ANK2: variants seen among roughly 807,000 people sequenced by gnomAD.
ANK2 encodes ankyrin 2.
ANK2 carries 83 observed loss-of-function variants against 360.5 expected under a neutral mutation model. That is an observed-to-expected ratio of 0.23 (90% CI 0.19 to 0.28). The LOEUF is 0.28. Ranked by LOEUF, ANK2 falls within the 10% of genes least tolerant of loss-of-function variation. The pLI is 1.00. For missense variants in ANK2, 4,201 were observed against 4,795.7 expected (o/e 0.88, Z 3.66); for synonymous variants, 1,740 against 1,759.5 (o/e 0.99, Z 0.28).
intron 2 of ANK2, among the ~76,000 whole-genome samples, chr4:113,025,806 T>A (rs550403309): frequency 6.6e-6 from 1 of 152,256 alleles, no homozygotes; most frequent in East Asian, 1.9e-4. Flanking sequence ...AAGCAGCTTT[T>A]GAGAGATGTA....
intron 1 of ANK2, among the ~76,000 whole-genome samples, chr4:113,067,705 T>G (rs1448910502): frequency 1.3e-5 from 2 of 152,182 alleles, no homozygotes; most frequent in Non-Finnish European, 2.9e-5. Context: ...CTGGGAGGAC[T>G]GGAAAAAGAA....
chr4:113,019,667 CA>C (rs757349862), intron 2 of ANK2, among the ~76,000 whole-genome samples: 2 of 151,978 alleles, frequency 1.3e-5, no homozygotes, highest in Non-Finnish European at 2.9e-5. Flanking sequence ...TAATGGTAAT[CA>C]ACAAAATTTC....
intron 1 of ANK2, among the ~76,000 whole-genome samples, chr4:113,120,583 A>G (rs1184507691): frequency 3.3e-5 from 5 of 152,088 alleles, no homozygotes; most frequent in African/African-American, 1.2e-4. Context: ...AGTAAAACAT[A>G]TATTTATTTT....
chr4:113,111,836 G>A (rs1425496100), intron 1 of ANK2, among the ~76,000 whole-genome samples: 1 of 152,184 alleles, frequency 6.6e-6, no homozygotes, highest in African/African-American at 2.4e-5. Context: ...CTATCAAGAT[G>A]TGAATATTAG....
intron 1 of ANK2, among the ~76,000 whole-genome samples, chr4:112,868,736 A>G (rs893755883): frequency 6.6e-6 from 1 of 152,194 alleles, no homozygotes; most frequent in Non-Finnish European, 1.5e-5. Context: ...TGAAAATGAG[A>G]TATATTTACA....
At chr4:113,281,316 T>C (rs998340130) in intron 17 of ANK2, among the ~76,000 whole-genome samples, 2 of 152,062 alleles carry the variant, frequency 1.3e-5, no homozygotes, top group Admixed American at 6.6e-5. Context: ...GGTGGGCAGA[T>C]CGCTTGAGCT....
chr4:113,380,371 T>A (rs943725820), intron 45 of ANK2, among the ~76,000 whole-genome samples: 3 of 152,192 alleles, frequency 2.0e-5, no homozygotes, highest in Non-Finnish European at 4.4e-5. Context: ...ACAAAAGTTA[T>A]AGCTCCTGGC....
intron 1 of ANK2, among the ~76,000 whole-genome samples, chr4:113,127,551 G>A (rs145788391): frequency 4.0e-4 from 61 of 152,032 alleles, no homozygotes; most frequent in African/African-American, 1.4e-3. Context: ...GAAATAGCTG[G>A]TTGCTTTTAA....
chr4:113,277,848 T>C lies in ANK2; in HGVS notation c.1695T>C (p.Thr565=), dbSNP rs760975847. The C allele has an allele frequency of 6.2e-7, 1 of 1,613,196 alleles. No individual in the cohort carries two copies. Among genetic ancestry groups the C allele is most frequent in the South Asian group, 1.1e-5 (1 of 91,054 alleles). ...TCTCACATTTTCAGAAGGGTTTTAC[T>C]CCCCTGCATGTAGCAGCCAAGTATG... ...AHSLATKKGF[T]PLHVAAKYGS... The change falls in exon 16 of 46, where the codon ACT becomes ACC. Residue 565 remains threonine, a synonymous_variant. Transcript: ENST00000357077.
intron 9 of ANK2, among the ~76,000 whole-genome samples, chr4:113,246,499 G>C (rs1563144083): frequency 6.6e-6 from 1 of 152,052 alleles, no homozygotes; most frequent in Admixed American, 6.5e-5. Context: ...TTTATAGCTA[G>C]TGAAAATGAA....
chr4:113,220,124 A>G (rs773633515), intron 4 of ANK2, among the ~76,000 whole-genome samples: 21 of 152,214 alleles, frequency 1.4e-4, no homozygotes, highest in Non-Finnish European at 3.1e-4. Flanking sequence ...TCGGAACCAC[A>G]CATTTTCTTG....
At chr4:112,803,085 G>C in the ANK2 span, among the ~76,000 whole-genome samples, 875 of 152,238 alleles carry the variant, frequency 5.7e-3, 11 homozygotes, top group African/African-American at 0.019. Context: ...TAGGAAGACT[G>C]TCTCGACATC....
intron 34 of ANK2, among the ~76,000 whole-genome samples, chr4:113,344,023 C>T (rs74548352): frequency 1.3e-3 from 194 of 152,178 alleles, no homozygotes; most frequent in African/African-American, 4.3e-3. Flanking sequence ...TAAGTTTTTC[C>T]AAGATCTCTG....
rs2061068350 is a variant in ANK2 at position 113,278,494 on chromosome 4, A to G, written c.1817A>G (p.Tyr606Cys). The G allele has an allele frequency of 1.9e-6, 3 of 1,614,016 alleles. No individual in the cohort carries two copies. The highest frequency in any genetic ancestry group is 2.5e-6 in the Non-Finnish European group (3 of 1,179,962). Residue 606 changes from tyrosine (Y) to cysteine (C), a missense_variant, in exon 17 of 46, where the codon TAT becomes TGT. Physicochemically the swap from Tyr to Cys is radical, Grantham distance 194. Around this residue, in one of 4 missense-constraint regions of ANK2, gnomAD observed 1,268 missense variants for 1,650.8 expected, o/e 0.77. Coordinates refer to ENST00000357077, the MANE Select transcript of ANK2 (RefSeq NM_001148.6). ...GLTPLHVAAHYDNQKVALLLL... is the reference protein window; with the variant it reads ...GLTPLHVAAHCDNQKVALLLL... ...ACCCCGCTCCATGTTGCTGCTCATT[A>G]TGACAACCAGAAGGTGGCGCTGCTG...
intron 1 of ANK2, among the ~76,000 whole-genome samples, chr4:112,838,349 G>A (rs116136723): frequency 0.01 from 1,554 of 152,252 alleles, 9 homozygotes; most frequent in Middle Eastern, 0.078. Flanking sequence ...ATCCAGCCTC[G>A]GGTAGTATCT....
At chr4:113,279,804 A>T (rs2061577286) in intron 17 of ANK2, among the ~76,000 whole-genome samples, 1 of 151,626 alleles carries the variant, frequency 6.6e-6, no homozygotes. Context: ...ATAATAAAGT[A>T]CTTGAACTGT....
chr4:113,161,970 G>T (rs913950158), intron 1 of ANK2, among the ~76,000 whole-genome samples: 1 of 152,036 alleles, frequency 6.6e-6, no homozygotes, highest in African/African-American at 2.4e-5. Context: ...GTCCATGCCC[G>T]TCTCTTGGAC....
chr4:113,092,162 G>A (rs1434220380), intron 1 of ANK2, among the ~76,000 whole-genome samples: 2 of 152,054 alleles, frequency 1.3e-5, no homozygotes, highest in African/African-American at 4.8e-5. Flanking sequence ...TTTAAATGTG[G>A]TAATGTACAA....
intron 1 of ANK2, among the ~76,000 whole-genome samples, chr4:113,134,593 GT>G (rs1361652988): frequency 5.9e-5 from 9 of 151,938 alleles, no homozygotes; most frequent in Non-Finnish European, 8.8e-5. Context: ...TATCAGAGAT[GT>G]TTTTTTAACA....
Sources: gnomAD v4.1 joint callset for allele counts (sites outside exome capture counted in the v4.1 genomes callset) on GRCh38, gnomAD v4.1.1 for gene constraint, gnomAD v4.1.1 regional missense constraint, MANE v1.5 for transcripts, NCBI Gene and HGNC (gene_info 2026-07-23, HGNC 2026-07-21) for gene names.